The following GAS7 variants were observed in gnomAD, a reference collection of about 807,000 sequenced individuals.
GAS7 encodes the protein growth arrest-specific protein 7.
In GAS7, 28 loss-of-function variants were observed where a neutral mutation model predicts 71.1. That is an observed-to-expected ratio of 0.39 (90% CI 0.29 to 0.54). The LOEUF (loss-of-function observed/expected upper bound fraction) is 0.54, where lower values mean the gene tolerates loss of function less well. GAS7 is among the 20% of genes least tolerant of loss of function. The pLI is 0.62. For synonymous variants in GAS7, 258 were observed against 245.8 expected (o/e 1.05, Z -0.46); for missense variants, 436 against 627.8 (o/e 0.69, Z 3.27).
At chr17:9,917,964 C>T (rs373995381) in intron 13 of GAS7, 37 bp downstream of exon 13, 42 of 1,466,884 alleles carry the variant, frequency 2.9e-5, no homozygotes, top group East Asian at 1.1e-4. Flanking sequence ...CCCCAGGCCC[C>T]GTGTCGCCCG....
chr17:9,932,676 A>G (rs2068252977), intron 9 of GAS7, among the ~76,000 whole-genome samples: 1 of 152,196 alleles, frequency 6.6e-6, no homozygotes, highest in African/African-American at 2.4e-5. Context: ...ACATGGAGAA[A>G]TCTTGAGAGA....
At chr17:10,170,629 GCTAT>G (rs1320207820) in intron 1 of GAS7, among the ~76,000 whole-genome samples, 1 of 152,106 alleles carries the variant, frequency 6.6e-6, no homozygotes, top group Non-Finnish European at 1.5e-5. Flanking sequence ...AGTTTTCCTT[GCTAT>G]CTGTCACCCC....
chr17:10,168,691 G>A lies in GAS7; in HGVS notation c.183+29517C>T, dbSNP rs181236514. On this transcript the variant is annotated intron_variant, in intron 1 of 13. Coordinates refer to ENST00000432992, the MANE Select transcript of GAS7 (RefSeq NM_201433.2). The stretch of plus-strand genomic sequence containing the variant: ...TGTGTGGTTAAAAAATTAATAATTA[G>A]GCTGGGCACGGTGGCTCATGCCTGT... Among the ~76,000 whole-genome samples, 50 of 152,316 alleles carry A rather than the reference G, an allele frequency of 3.3e-4. No individual in the cohort carries two copies. The East Asian group carries it at 4.0e-3, about 12-fold the overall frequency.
chr17:10,105,454 A>G (rs544079639), intron 1 of GAS7, among the ~76,000 whole-genome samples: 2 of 152,272 alleles, frequency 1.3e-5, no homozygotes, highest in East Asian at 1.9e-4. Context: ...ACCATGTTAG[A>G]TGGTACAGGC....
intron 1 of GAS7, among the ~76,000 whole-genome samples, chr17:10,079,770 G>A (rs577457196): frequency 2.6e-5 from 4 of 152,254 alleles, no homozygotes; most frequent in African/African-American, 9.6e-5. Context: ...ACACGGTCAT[G>A]GTCACTCATA....
At chr17:9,973,183 G>C (rs2070038182) in intron 3 of GAS7, among the ~76,000 whole-genome samples, 1 of 151,928 alleles carries the variant, frequency 6.6e-6, no homozygotes, top group South Asian at 2.1e-4. Flanking sequence ...GGTAATTTGA[G>C]AGGGAAAGAG....
chr17:9,922,955 C>CTGGA (rs1415536095), intron 11 of GAS7, among the ~76,000 whole-genome samples: 1 of 152,206 alleles, frequency 6.6e-6, no homozygotes, highest in African/African-American at 2.4e-5. Context: ...CTTGCCCAGG[C>CTGGA]TGGAGTGCAG....
intron 1 of GAS7, among the ~76,000 whole-genome samples, chr17:10,109,370 TTGC>T (rs2073788981): frequency 6.6e-6 from 1 of 152,206 alleles, no homozygotes; most frequent in Non-Finnish European, 1.5e-5. Flanking sequence ...TCCATTCATG[TTGC>T]TGCTAATGAC....
At chr17:10,062,825 A>G (rs921801914) in intron 1 of GAS7, among the ~76,000 whole-genome samples, 4 of 152,058 alleles carry the variant, frequency 2.6e-5, no homozygotes, top group African/African-American at 9.7e-5. Context: ...AGCTGACACT[A>G]ATTCCTAATG....
rs533607795 is a variant in GAS7 at position 9,938,513 on chromosome 17, T to G, written c.806+1613A>C. ...AAAAAATAGACATCACAGAGCTCCC[T>G]CTCTCTCTCTCTCTGAGCACACACC... On this transcript the variant is annotated intron_variant, in intron 8 of 13. Coordinates refer to ENST00000432992, the MANE Select transcript of GAS7 (RefSeq NM_201433.2). 5.1e-5 allele frequency among the ~76,000 whole-genome samples: 7 copies of G among 137,434 alleles called. No homozygotes were observed. In the East Asian group the frequency reaches 1.5e-3, roughly 29 times the overall value. 90.2% of individuals were successfully genotyped at this position (137,434 alleles called of 152,430 possible).
At chr17:9,930,063 G>A (rs1039441678) in intron 9 of GAS7, among the ~76,000 whole-genome samples, 8 of 152,198 alleles carry the variant, frequency 5.3e-5, no homozygotes, top group African/African-American at 1.4e-4. Context: ...TTTTTCAGAC[G>A]GTGTGCGGCC....
chr17:10,198,500 T>C lies in GAS7; in HGVS notation c.-110A>G. 1.4e-6 allele frequency: 1 copy of C among 738,812 alleles called. No homozygotes were observed. The highest frequency in any genetic ancestry group is 2.0e-6 in the Non-Finnish European group (1 of 512,676). The allele number at this position is 738,812 out of a possible 1,614,324, so 45.8% of individuals were successfully genotyped here. On this transcript the variant is annotated 5_prime_UTR_variant, in exon 1 of 14. Coordinates refer to ENST00000432992, the MANE Select transcript of GAS7 (RefSeq NM_201433.2). ...CCCGGCGCTCCGGGCTCCCGCGCTCTGGGCGCGCGCCGTCTCTGGGGTGCG... is the reference window on the plus strand; with the variant it reads ...CCCGGCGCTCCGGGCTCCCGCGCTCCGGGCGCGCGCCGTCTCTGGGGTGCG...
chr17:10,126,740 G>A (rs2073954326), intron 1 of GAS7, among the ~76,000 whole-genome samples: 1 of 152,210 alleles, frequency 6.6e-6, no homozygotes, highest in Non-Finnish European at 1.5e-5. Context: ...TTGAGGGTTA[G>A]GAGCCAGTCC....
rs954534046 is a variant in GAS7, at chr17:10,026,969, T to G, written c.184-7072A>C. The G allele has an allele frequency of 6.6e-6, 1 of 152,206 alleles. No individual in the cohort carries two copies. Among genetic ancestry groups the G allele is most frequent in the Admixed American group, 6.5e-5 (1 of 15,268 alleles). 9.4% of individuals were successfully genotyped at this position (152,206 alleles called of 1,614,324 possible). A position where few individuals can be genotyped will look rare whatever the true frequency, so the allele number is the denominator to read the frequency against. ...AGAAATTTCAGTGCACAGAAAATAG[T>G]AGGGGACCCCTGGCAACGTCACAAC... On this transcript the variant is annotated intron_variant, in intron 1 of 13. Transcript: ENST00000432992. This position sits in a 1 kb window ranked among gnomAD's most constrained non-coding sequence, Gnocchi z 4.5.
intron 1 of GAS7, among the ~76,000 whole-genome samples, chr17:10,057,897 G>A (rs988953070): frequency 1.2e-4 from 19 of 152,258 alleles, no homozygotes; most frequent in African/African-American, 4.6e-4. Flanking sequence ...ATTTTGTTCT[G>A]TACTAAGAAA....
chr17:9,920,702 C>T (rs544654673), intron 11 of GAS7, among the ~76,000 whole-genome samples: 2 of 152,302 alleles, frequency 1.3e-5, no homozygotes, highest in East Asian at 1.9e-4. Flanking sequence ...CTCTCATGCA[C>T]GGCTTTGTCT....
At chr17:9,972,241 A>G (rs574676174) in intron 3 of GAS7, among the ~76,000 whole-genome samples, 3 of 152,212 alleles carry the variant, frequency 2.0e-5, no homozygotes, top group Non-Finnish European at 4.4e-5. Flanking sequence ...CCCGCTATGA[A>G]GGCAGCTTAA....
chr17:10,129,089 C>A (rs1365942165), intron 1 of GAS7, among the ~76,000 whole-genome samples: 2 of 152,072 alleles, frequency 1.3e-5, no homozygotes, highest in African/African-American at 4.8e-5. Context: ...GCAAAAACGC[C>A]AAGACCACTC....
Position 10,198,531 on chromosome 17 carries a change from G to T in GAS7, c.-141C>A, listed in dbSNP as rs1227607839. On this transcript the variant is annotated 5_prime_UTR_variant, in exon 1 of 14. Coordinates refer to ENST00000432992, the MANE Select transcript of GAS7 (RefSeq NM_201433.2). ...CGCGCCGTCTCTGGGGTGCGCGGGG[G>T]TCCTCAGGCAGGCGGGGGACGCGCG... 2 of 472,032 alleles carry T rather than the reference G, an allele frequency of 4.2e-6. No homozygotes were observed. The highest frequency in any genetic ancestry group is 2.1e-5 in the African/African-American group (1 of 47,986). 29.2% of individuals were successfully genotyped at this position (472,032 alleles called of 1,614,324 possible).
Sources: allele counts gnomAD v4.1 joint callset (sites outside exome capture counted in the v4.1 genomes callset), GRCh38; gene constraint gnomAD v4.1.1; non-coding constraint Gnocchi (gnomAD v3.1); transcripts MANE v1.5; gene names NCBI Gene and HGNC (gene_info 2026-07-23, HGNC 2026-07-21).